Variants in ZSCAN25 observed in about 807,000 individuals in gnomAD.
The protein encoded by ZSCAN25 is zinc finger and SCAN domain containing 25.
Under a neutral mutation model 38.7 loss-of-function variants are expected in ZSCAN25, and 27 were observed. That is an observed-to-expected ratio of 0.70 (90% confidence interval 0.51 to 0.96). ZSCAN25 has a LOEUF of 0.96. Among genes scored for constraint, ZSCAN25 ranks in the 40% least tolerant of loss-of-function variants. ZSCAN25 has a pLI of 0.00. For synonymous variants in ZSCAN25, 273 were observed against 277.7 expected (o/e 0.98, Z 0.17); for missense variants, 637 against 705.9 (o/e 0.90, Z 1.11).
the ZSCAN25 span, among the ~76,000 whole-genome samples, chr7:99,649,241 C>T: frequency 6.6e-6 from 1 of 152,190 alleles, no homozygotes; most frequent in Admixed American, 6.5e-5. Flanking sequence ...GAAAGCTACA[C>T]AGCTGCCCTG....
chr7:99,712,696 A>G, the ZSCAN25 span, among the ~76,000 whole-genome samples: 15,054 of 152,246 alleles, frequency 0.099, 1,034 homozygotes, highest in African/African-American at 0.19. Flanking sequence ...AGACATGGAC[A>G]TATTTAAATC....
chr7:99,717,591 C>G, the ZSCAN25 span: 1 of 1,613,750 alleles, frequency 6.2e-7, no homozygotes, highest in Admixed American at 1.7e-5. Flanking sequence ...CATTCTTCAT[C>G]CTCAGCTATA....
the ZSCAN25 span, among the ~76,000 whole-genome samples, chr7:99,655,029 G>A: frequency 8.5e-5 from 13 of 152,160 alleles, no homozygotes; most frequent in South Asian, 4.1e-4. Context: ...TCTGTCGGTT[G>A]CCTGTTCACT....
At chr7:99,633,853 C>T (rs1808156025), downstream of ZSCAN25, among the ~76,000 whole-genome samples, 1 of 152,254 alleles carries the variant, frequency 6.6e-6, no homozygotes, top group South Asian at 2.1e-4. Flanking sequence ...ATCCTTTTGA[C>T]ATAACCCTAA....
At chr7:99,639,924 G>A in the ZSCAN25 span, among the ~76,000 whole-genome samples, 1 of 152,054 alleles carries the variant, frequency 6.6e-6, no homozygotes, top group Non-Finnish European at 1.5e-5. Context: ...AAAATTAGCT[G>A]AGCATAGTGG....
the ZSCAN25 span, among the ~76,000 whole-genome samples, chr7:99,689,135 G>A: frequency 2.0e-5 from 3 of 152,040 alleles, no homozygotes; most frequent in East Asian, 5.8e-4. Context: ...AACACATTCA[G>A]AAGCTAGCAG....
At chr7:99,709,397 T>C in the ZSCAN25 span, 165 of 1,365,704 alleles carry the variant, frequency 1.2e-4, no homozygotes, top group Non-Finnish European at 1.5e-4. Flanking sequence ...ATTCATAAAG[T>C]ATTTTAATAA....
the ZSCAN25 span, among the ~76,000 whole-genome samples, chr7:99,655,940 A>G: frequency 6.6e-6 from 1 of 152,216 alleles, no homozygotes; most frequent in Admixed American, 6.5e-5. Context: ...GTATCCTGAT[A>G]CTTTGCTGAA....
chr7:99,726,793 A>G, the ZSCAN25 span, among the ~76,000 whole-genome samples: 1 of 152,002 alleles, frequency 6.6e-6, no homozygotes, highest in East Asian at 1.9e-4. Context: ...CTCCTTCAAC[A>G]TTTACTCTCC....
chr7:99,720,607 G>A, the ZSCAN25 span: 6 of 563,726 alleles, frequency 1.1e-5, no homozygotes, highest in Non-Finnish European at 1.6e-5. Context: ...GTCTTCATAC[G>A]ATGAAGGGTA....
chr7:99,708,515 C>A, the ZSCAN25 span, among the ~76,000 whole-genome samples: 1 of 152,072 alleles, frequency 6.6e-6, no homozygotes, highest in Non-Finnish European at 1.5e-5. Context: ...ATCTCTCCTT[C>A]TTTCTCCCCC....
At chr7:99,737,090 G>A in the ZSCAN25 span, among the ~76,000 whole-genome samples, 3 of 152,098 alleles carry the variant, frequency 2.0e-5, no homozygotes, top group East Asian at 3.9e-4. Context: ...AAAAGTCCAG[G>A]GAATTCTGGT....
chr7:99,649,864 G>A, the ZSCAN25 span, among the ~76,000 whole-genome samples: 2 of 151,796 alleles, frequency 1.3e-5, no homozygotes, highest in Admixed American at 6.5e-5. Flanking sequence ...ATCATGTCAT[G>A]CTAATCTGTG....
downstream of ZSCAN25, among the ~76,000 whole-genome samples, chr7:99,634,145 T>C (rs1584379017): frequency 6.6e-6 from 1 of 152,212 alleles, no homozygotes. Context: ...GAGGCTGTTG[T>C]CCTTTGCAAG....
Position 99,621,518 on chromosome 7 carries a change from C to A in ZSCAN25, c.533C>A (p.Thr178Asn). The A allele has an allele frequency of 6.4e-7, 1 of 1,561,190 alleles. No individual in the cohort carries two copies. Among genetic ancestry groups the A allele is most frequent in the Non-Finnish European group, 8.7e-7 (1 of 1,146,814 alleles). The change falls in exon 5 of 8, where the codon ACC becomes AAC. Residue 178 changes from threonine to asparagine, a missense_variant. By Grantham distance (65) the Thr-to-Asn change is moderately conservative. Transcript: ENST00000394152. ...GEGVQGPDPG[T>N]EEQLSQDPGD... ...GGAGTTCAAGGTCCAGACCCAGGTA[C>A]CGAGGAGCAGCTCAGTCAGGACCCT... is the stretch of plus-strand genomic sequence containing the variant.
At chr7:99,678,641 A>T in the ZSCAN25 span, among the ~76,000 whole-genome samples, 1 of 152,236 alleles carries the variant, frequency 6.6e-6, no homozygotes, top group Non-Finnish European at 1.5e-5. Context: ...CAGAAGGAAC[A>T]TGCTGGAAAT....
chr7:99,675,816 T>G, the ZSCAN25 span, among the ~76,000 whole-genome samples: 2 of 148,376 alleles, frequency 1.3e-5, no homozygotes, highest in Admixed American at 1.4e-4. Context: ...ACCTTAACAT[T>G]CAGAGTAGCT....
Position 99,631,617 on chromosome 7 carries a change from G to T in ZSCAN25, c.*1597G>T, listed in dbSNP as rs1030805757. The T allele has an allele frequency of 4.1e-6, 4 of 984,900 alleles. No homozygotes were observed. The African/African-American group carries it at 7.0e-5, about 17-fold the overall frequency. The allele number at this position is 984,900 out of a possible 1,614,324, so 61.0% of individuals were successfully genotyped here. ...TCTTAATACCAGATTCTTTTACTGA[G>T]ATTTTTTTTTTTCATTTTCCATTGT... On this transcript the variant is annotated 3_prime_UTR_variant, in exon 8 of 8. Transcript: ENST00000394152.
At chr7:99,628,323 C>T (rs938335271) in intron 7 of ZSCAN25, among the ~76,000 whole-genome samples, 2 of 152,194 alleles carry the variant, frequency 1.3e-5, no homozygotes, top group African/African-American at 4.8e-5. Flanking sequence ...AAGGACTCTT[C>T]CGCTTTAAGC....
Sources: allele counts gnomAD v4.1 joint callset (sites outside exome capture counted in the v4.1 genomes callset), GRCh38; gene constraint gnomAD v4.1.1; transcripts MANE v1.5; gene names NCBI Gene and HGNC (gene_info 2026-07-23, HGNC 2026-07-21).